The following GRIK4 variants were observed in gnomAD, a reference collection of about 807,000 sequenced individuals.
GRIK4 encodes glutamate receptor ionotropic, kainate 4.
In GRIK4, 40 loss-of-function variants were observed where a neutral mutation model predicts 104.9. The observed-to-expected ratio is 0.38, with a 90% CI of 0.30 to 0.50. The LOEUF is 0.50. Among genes scored for constraint, GRIK4 ranks in the 20% least tolerant of loss-of-function variants. The probability of loss-of-function intolerance (pLI) is 0.93; values close to 1 mark genes in which losing one functional copy is unlikely to be tolerated. For missense variants in GRIK4, 1,047 were observed against 1,308.1 expected (o/e 0.80, Z 3.08); for synonymous variants, 485 against 524.9 (o/e 0.92, Z 1.04).
intron 3 of GRIK4, among the ~76,000 whole-genome samples, chr11:120,701,911 T>A (rs1447676794): frequency 2.0e-5 from 3 of 151,196 alleles, no homozygotes; most frequent in Non-Finnish European, 4.4e-5. Context: ...GGATATGAGA[T>A]GTGTATGTGT....
chr11:120,981,261 T>C (rs1224095432), intron 19 of GRIK4, among the ~76,000 whole-genome samples: 1 of 152,258 alleles, frequency 6.6e-6, no homozygotes, highest in Admixed American at 6.5e-5. Flanking sequence ...AACAGCCATA[T>C]CATATCCTAT....
In GRIK4 at chr11:120,882,442, C is replaced by T. The variant is rs1954993161; in HGVS notation, c.1164+7199C>T. ...GCTCTCCGTCTGGGGAACAGACCTC[C>T]GTGGGCCAGCTGAGGAGGCTGCTTG... On this transcript the variant is annotated intron_variant, in intron 11 of 20. Coordinates refer to ENST00000527524, the MANE Select transcript of GRIK4 (RefSeq NM_014619.5). Among the ~76,000 whole-genome samples, 4 of 152,100 alleles carry T rather than the reference C, an allele frequency of 2.6e-5. No individual in the cohort carries two copies. The South Asian group carries it at 8.3e-4, about 32-fold the overall frequency.
chr11:120,616,256 A>G (rs1172913355), intron 1 of GRIK4, among the ~76,000 whole-genome samples: 1 of 152,176 alleles, frequency 6.6e-6, no homozygotes, highest in Non-Finnish European at 1.5e-5. Context: ...CCCCAGGAGC[A>G]GAGGGGCCTG....
At chr11:120,842,440 G>A (rs1419566227) in intron 8 of GRIK4, among the ~76,000 whole-genome samples, 1 of 152,212 alleles carries the variant, frequency 6.6e-6, no homozygotes, top group East Asian at 1.9e-4. Context: ...GCTGGGAAAG[G>A]TAGTCTAGCC....
chr11:120,616,946 T>A (rs562796598), intron 1 of GRIK4, among the ~76,000 whole-genome samples: 6 of 152,324 alleles, frequency 3.9e-5, no homozygotes, highest in South Asian at 4.2e-4. Context: ...GGGACTTTTT[T>A]AAGAGGCTTA....
At position 120,570,472 on chromosome 11, in the gene GRIK4, A is replaced by G. The variant is rs550959467; in HGVS notation, c.-159+58585A>G. ...AGTTGACTTTCTGCTTTTGCTTTTTAAGAGGGTGGCTCACTCTGTCACCCA... is the reference window on the plus strand; with the variant it reads ...AGTTGACTTTCTGCTTTTGCTTTTTGAGAGGGTGGCTCACTCTGTCACCCA... On this transcript the variant is annotated intron_variant, in intron 1 of 20. Transcript: ENST00000527524. 2.0e-5 allele frequency among the ~76,000 whole-genome samples: 3 copies of G among 152,190 alleles called. No individual in the cohort carries two copies. The East Asian group carries it at 5.8e-4, about 29-fold the overall frequency.
At chr11:120,652,889 A>G (rs1168977726) in intron 1 of GRIK4, among the ~76,000 whole-genome samples, 3 of 152,204 alleles carry the variant, frequency 2.0e-5, no homozygotes, top group Non-Finnish European at 4.4e-5. Flanking sequence ...GAGTCCAGAC[A>G]GCATGTGCAC....
intron 12 of GRIK4, among the ~76,000 whole-genome samples, chr11:120,904,638 C>T (rs1008927653): frequency 6.6e-6 from 1 of 152,246 alleles, no homozygotes; most frequent in African/African-American, 2.4e-5. Context: ...TCCCATCTCG[C>T]CCCTGCTCAC....
chr11:120,809,941 T>C (rs1170319833), intron 4 of GRIK4, among the ~76,000 whole-genome samples: 1 of 152,188 alleles, frequency 6.6e-6, no homozygotes, highest in Non-Finnish European at 1.5e-5. Flanking sequence ...GGCATGCACC[T>C]GTAGTCCCAG....
At chr11:120,950,600 A>G (rs1371765009) in intron 14 of GRIK4, among the ~76,000 whole-genome samples, 1 of 152,230 alleles carries the variant, frequency 6.6e-6, no homozygotes. Context: ...GGGTCAAAAA[A>G]GACCCCAGGA....
intron 13 of GRIK4, among the ~76,000 whole-genome samples, chr11:120,924,352 CAG>C (rs1204785113): frequency 6.6e-6 from 1 of 152,132 alleles, no homozygotes; most frequent in Non-Finnish European, 1.5e-5. Flanking sequence ...CTCCTCACCA[CAG>C]AGTCAGCAGA....
chr11:120,780,944 A>C (rs1228891961), intron 3 of GRIK4, among the ~76,000 whole-genome samples: 1 of 151,972 alleles, frequency 6.6e-6, no homozygotes, highest in East Asian at 1.9e-4. Context: ...GGGTATCACC[A>C]TGTTAGCCAG....
intron 1 of GRIK4, among the ~76,000 whole-genome samples, chr11:120,585,492 G>C (rs1468895338): frequency 2.0e-5 from 3 of 152,210 alleles, no homozygotes; most frequent in South Asian, 2.1e-4. Flanking sequence ...GGGATTACAG[G>C]TGTGAGCTAC....
intron 4 of GRIK4, among the ~76,000 whole-genome samples, chr11:120,805,601 C>T (rs1248679684): frequency 6.6e-6 from 1 of 152,106 alleles, no homozygotes; most frequent in Admixed American, 6.5e-5. Flanking sequence ...GTTTGAGGTA[C>T]GATTAGCATT....
intron 3 of GRIK4, among the ~76,000 whole-genome samples, chr11:120,743,872 G>A (rs1437934485): frequency 2.0e-5 from 3 of 152,234 alleles, no homozygotes; most frequent in African/African-American, 7.2e-5. Flanking sequence ...TATCTTTAAA[G>A]CTGCTGGTAA....
At chr11:120,821,416 T>TAG (rs1388051752) in intron 6 of GRIK4, among the ~76,000 whole-genome samples, 3 of 152,120 alleles carry the variant, frequency 2.0e-5, no homozygotes, top group African/African-American at 7.2e-5. Context: ...GGTTGGAGCC[T>TAG]AGAGTCCATG....
At chr11:120,883,940 G>A (rs998846483) in intron 11 of GRIK4, among the ~76,000 whole-genome samples, 2 of 152,224 alleles carry the variant, frequency 1.3e-5, no homozygotes, top group African/African-American at 2.4e-5. Flanking sequence ...AGCAGCCTGC[G>A]TCAGTCAGCT....
chr11:120,930,930 C>A (rs1243972715), intron 13 of GRIK4, among the ~76,000 whole-genome samples: 2 of 152,110 alleles, frequency 1.3e-5, no homozygotes, highest in South Asian at 2.1e-4. Context: ...TGAATAATTT[C>A]TTAGGGAGGA....
intron 1 of GRIK4, among the ~76,000 whole-genome samples, chr11:120,532,215 A>G (rs1159936266): frequency 6.6e-6 from 1 of 152,090 alleles, no homozygotes; most frequent in Non-Finnish European, 1.5e-5. Flanking sequence ...CCTAGCCCCC[A>G]AAGTGACCTG....
Sources: allele counts gnomAD v4.1 joint callset (sites outside exome capture counted in the v4.1 genomes callset), GRCh38; gene constraint gnomAD v4.1.1; transcripts MANE v1.5; gene names NCBI Gene and HGNC (gene_info 2026-07-23, HGNC 2026-07-21).